Variants in ZFAND6 observed in about 807,000 individuals in gnomAD.
The protein encoded by ZFAND6 is zinc finger AN1-type containing 6.
Under a neutral mutation model 24.5 loss-of-function variants are expected in ZFAND6, and 12 were observed. The observed-to-expected ratio is 0.49, with a 90% CI of 0.31 to 0.79. The LOEUF (loss-of-function observed/expected upper bound fraction) is 0.79, where lower values mean the gene tolerates loss of function less well. Among genes scored for constraint, ZFAND6 ranks in the 30% least tolerant of loss-of-function variants. The pLI is 0.04. For synonymous variants in ZFAND6, 92 were observed against 81.5 expected (o/e 1.13, Z -0.69); for missense variants, 207 against 245.9 (o/e 0.84, Z 1.06).
At chr15:80,078,681 T>A (rs1254155806) in intron 1 of ZFAND6, among the ~76,000 whole-genome samples, 7 of 152,196 alleles carry the variant, frequency 4.6e-5, no homozygotes, top group Non-Finnish European at 8.8e-5. Flanking sequence ...ACACCAACAG[T>A]GTATAAGCAT....
At chr15:80,069,623 G>GTTATTTAT (rs59745016) in intron 1 of ZFAND6, among the ~76,000 whole-genome samples, 49 of 151,378 alleles carry the variant, frequency 3.2e-4, no homozygotes, top group African/African-American at 1.1e-3. Context: ...TTTATTTTTT[G>GTTATTTAT]TTATTTATTT....
intron 1 of ZFAND6, among the ~76,000 whole-genome samples, chr15:80,065,788 A>G (rs2036600356): frequency 6.6e-6 from 1 of 151,436 alleles, no homozygotes; most frequent in Admixed American, 6.6e-5. Flanking sequence ...CAGGTGATCT[A>G]CCCACCTCGG....
At chr15:80,104,101 C>A (rs1292999014) in intron 2 of ZFAND6, among the ~76,000 whole-genome samples, 1 of 152,198 alleles carries the variant, frequency 6.6e-6, no homozygotes, top group Non-Finnish European at 1.5e-5. Flanking sequence ...CTTGGTCTCC[C>A]AGAATGTTGG....
intron 1 of ZFAND6, among the ~76,000 whole-genome samples, chr15:80,087,501 A>G (rs1363062286): frequency 2.0e-5 from 3 of 152,078 alleles, no homozygotes; most frequent in African/African-American, 4.8e-5. Flanking sequence ...CAGCACGTTT[A>G]TTCTTAAGCT....
intron 2 of ZFAND6, among the ~76,000 whole-genome samples, chr15:80,115,890 T>C (rs2039852802): frequency 6.6e-6 from 1 of 152,274 alleles, no homozygotes; most frequent in Middle Eastern, 3.4e-3. Context: ...TATGACTTTT[T>C]ACTTGAGTTT....
At chr15:80,105,925 CTTTGTGGTTTTGATACTTAACAT>C in intron 2 of ZFAND6, among the ~76,000 whole-genome samples, 1 of 152,068 alleles carries the variant, frequency 6.6e-6, no homozygotes, top group African/African-American at 2.4e-5. Context: ...TATTCTAAAA[CTTTGTGGTTTTGATACTTAACAT>C]TTTGTGGTTT....
chr15:80,066,800 G>A (rs1449677059), intron 1 of ZFAND6, among the ~76,000 whole-genome samples: 1 of 151,506 alleles, frequency 6.6e-6, no homozygotes, highest in East Asian at 2.0e-4. Context: ...GGGAGGCTGA[G>A]GCAGGAGAAT....
intron 6 of ZFAND6, among the ~76,000 whole-genome samples, chr15:80,133,180 T>G (rs1293987127): frequency 4.9e-5 from 7 of 143,122 alleles, no homozygotes; most frequent in African/African-American, 1.3e-4. Context: ...TGGTGTTTTT[T>G]TTTGTTTGTT....
At chr15:80,113,462 A>G (rs537161580) in intron 2 of ZFAND6, among the ~76,000 whole-genome samples, 2 of 152,232 alleles carry the variant, frequency 1.3e-5, no homozygotes, top group Non-Finnish European at 2.9e-5. Context: ...ATTCATCATT[A>G]TAAATTATAT....
At chr15:80,061,916 T>C (rs1438721532) in intron 1 of ZFAND6, among the ~76,000 whole-genome samples, 1 of 152,186 alleles carries the variant, frequency 6.6e-6, no homozygotes, top group Non-Finnish European at 1.5e-5. Flanking sequence ...TATGTTTAAA[T>C]AGAAGATTCA....
chr15:80,075,346 C>T, intron 1 of ZFAND6: 1 of 221,438 alleles, frequency 4.5e-6, no homozygotes, highest in Non-Finnish European at 9.2e-6. Flanking sequence ...GAAAGTTTAG[C>T]TGTTGATTAC....
At chr15:80,133,490 T>C (rs1400015231) in intron 6 of ZFAND6, among the ~76,000 whole-genome samples, 6 of 152,104 alleles carry the variant, frequency 3.9e-5, no homozygotes, top group Non-Finnish European at 8.8e-5. Flanking sequence ...CCGCCACACC[T>C]GGCCGGTTTG....
intron 1 of ZFAND6, among the ~76,000 whole-genome samples, chr15:80,065,537 A>ATTTTTTTTTTTTTTTT (rs149756891): frequency 1.8e-4 from 14 of 76,492 alleles, no homozygotes; most frequent in Non-Finnish European, 1.9e-4. Context: ...TTTGGTTTTG[A>ATTTTTTTTTTTTTTTT]TTTTTTTTTT....
chr15:80,094,011 A>C (rs2038556134), intron 1 of ZFAND6, among the ~76,000 whole-genome samples: 1 of 152,230 alleles, frequency 6.6e-6, no homozygotes, highest in Non-Finnish European at 1.5e-5. Context: ...ACTATTTATT[A>C]TAACTCAGTC....
At chr15:80,084,451 A>G (rs1280690689) in intron 1 of ZFAND6, among the ~76,000 whole-genome samples, 1 of 152,224 alleles carries the variant, frequency 6.6e-6, no homozygotes. Flanking sequence ...TGGAAAAAGG[A>G]TATACTTCCT....
intron 2 of ZFAND6, among the ~76,000 whole-genome samples, chr15:80,109,633 G>A (rs1048673958): frequency 9.9e-5 from 15 of 152,190 alleles, no homozygotes; most frequent in African/African-American, 3.6e-4. Flanking sequence ...TTAAGTCAAG[G>A]TAAAGAATTT....
intron 6 of ZFAND6, among the ~76,000 whole-genome samples, 191 bp from the exon 7 acceptor site, chr15:80,137,289 G>A (rs184597199): frequency 1.1e-3 from 171 of 152,322 alleles, no homozygotes; most frequent in African/African-American, 4.0e-3. Flanking sequence ...GCAAACCTGC[G>A]TTTGTAGATA....
At chr15:80,131,962 T>C (rs569576445) in intron 6 of ZFAND6, among the ~76,000 whole-genome samples, 16 of 152,178 alleles carry the variant, frequency 1.1e-4, no homozygotes, top group South Asian at 4.1e-4. Context: ...GTAGGACTTA[T>C]AACTGATGGA....
chr15:80,102,039 G>A (rs980556836), intron 2 of ZFAND6, among the ~76,000 whole-genome samples: 2 of 151,722 alleles, frequency 1.3e-5, no homozygotes, highest in Non-Finnish European at 1.5e-5. Flanking sequence ...CTCGTGATCC[G>A]CCTGTTTCGG....
Sources: gnomAD v4.1 joint callset for allele counts (sites outside exome capture counted in the v4.1 genomes callset) on GRCh38, gnomAD v4.1.1 for gene constraint, MANE v1.5 for transcripts, NCBI Gene and HGNC (gene_info 2026-07-23, HGNC 2026-07-21) for gene names.